DAB2IP: variants seen among roughly 807,000 people sequenced by gnomAD.
The protein encoded by DAB2IP is DAB2 interacting protein.
DAB2IP carries 28 observed loss-of-function variants against 107.2 expected under a neutral mutation model. The observed-to-expected ratio is 0.26, with a 90% CI of 0.19 to 0.36. The LOEUF (loss-of-function observed/expected upper bound fraction) is 0.36, where lower values mean the gene tolerates loss of function less well. Among genes scored for constraint, DAB2IP ranks in the 10% least tolerant of loss-of-function variants. DAB2IP has a pLI of 1.00. For synonymous variants in DAB2IP, 755 were observed against 706.4 expected, an observed-to-expected ratio of 1.07 and a Z score of -1.09; for missense variants, 1,400 against 1,644.7, an observed-to-expected ratio of 0.85 and a Z score of 2.57.
In DAB2IP at chr9:121,653,880, G is replaced by A. The variant is rs116750364; in HGVS notation, c.124+1981G>A. 3.1e-3 allele frequency among the ~76,000 whole-genome samples: 473 copies of A among 152,346 alleles called. 4 individuals carry two copies. Among genetic ancestry groups the A allele is most frequent in the African/African-American group, 9.9e-3 (410 of 41,576 alleles). On this transcript the variant is annotated intron_variant, in intron 1 of 15. Transcript: ENST00000408936. Reference sequence around the variant, plus strand: ...AGGAGCTCACGGCCTGCAGAGCGGGGAGGAGACTGTCTCTGAACAGAAGTT... The same window carrying A: ...AGGAGCTCACGGCCTGCAGAGCGGGAAGGAGACTGTCTCTGAACAGAAGTT...
chr9:121,688,015 C>T (rs149016646), intron 2 of DAB2IP, among the ~76,000 whole-genome samples: 40 of 152,020 alleles, frequency 2.6e-4, no homozygotes, highest in African/African-American at 9.4e-4. Flanking sequence ...TTGTCCTGCC[C>T]CTACTTTGAG....
At chr9:121,709,630 G>A (rs534424454) in intron 3 of DAB2IP, among the ~76,000 whole-genome samples, 2 of 152,104 alleles carry the variant, frequency 1.3e-5, no homozygotes, top group Admixed American at 1.3e-4. Flanking sequence ...GTCAAGCACC[G>A]TTCTACATAG....
chr9:121,696,866 A>G (rs1829456246), intron 2 of DAB2IP, among the ~76,000 whole-genome samples: 1 of 152,166 alleles, frequency 6.6e-6, no homozygotes, highest in Admixed American at 6.5e-5. Context: ...GTCAACGGGA[A>G]CACTCTCTGT....
In DAB2IP at chr9:121,603,612, T is replaced by C. The variant is rs73661794; in HGVS notation, c.40+36384T>C. Reference sequence around the variant, plus strand: ...TCTTGTTCATGCCTCACTATTTTTCTGCCCTATCTGGTTGTGGCTTTGGTG... The same window carrying C: ...TCTTGTTCATGCCTCACTATTTTTCCGCCCTATCTGGTTGTGGCTTTGGTG... On this transcript the variant is annotated intron_variant, in intron 1 of 16. Coordinates refer to the DAB2IP transcript ENST00000259371. Among the ~76,000 whole-genome samples, 517 of 152,268 alleles carry C rather than the reference T, an allele frequency of 3.4e-3. 1 individual carries two copies. The highest frequency in any genetic ancestry group is 0.012 in the African/African-American group (496 of 41,548).
At chr9:121,617,341 A>G (rs1299469773) in intron 1 of DAB2IP, among the ~76,000 whole-genome samples, 2 of 152,028 alleles carry the variant, frequency 1.3e-5, no homozygotes, top group African/African-American at 4.8e-5. Context: ...AAACAAAACA[A>G]AAGGGTGAGG....
chr9:121,707,868 C>G (rs368396371), intron 3 of DAB2IP, among the ~76,000 whole-genome samples: 10 of 152,328 alleles, frequency 6.6e-5, no homozygotes, highest in African/African-American at 2.4e-4. Flanking sequence ...AGCCCCACCC[C>G]CTCTGCTTCT....
intron 1 of DAB2IP, among the ~76,000 whole-genome samples, chr9:121,616,706 C>G (rs74546577): frequency 0.017 from 2,532 of 152,330 alleles, 85 homozygotes; most frequent in African/African-American, 0.057. Context: ...GGCTTGATCA[C>G]TCTTCGCCAC....
intron 1 of DAB2IP, among the ~76,000 whole-genome samples, chr9:121,594,289 G>A (rs1830482252): frequency 6.6e-6 from 1 of 151,156 alleles, no homozygotes; most frequent in African/African-American, 2.4e-5. Flanking sequence ...GAGGCTGGAG[G>A]GCAAATGGTG....
Position 121,701,151 on chromosome 9 carries a change from G to A in DAB2IP, c.362+1693G>A, listed in dbSNP as rs759405664. ...TTTTGTGTGCATGTGGTGGTTGTCC[G>A]GGGAGCAGGAGAGACAACAGGCAGT... On this transcript the variant is annotated intron_variant, in intron 3 of 15. Coordinates refer to ENST00000408936, the Ensembl canonical transcript of DAB2IP. This position sits in a 1 kb window ranked among gnomAD's most constrained non-coding sequence, Gnocchi z 4.7. Among the ~76,000 whole-genome samples, 7 of 152,200 alleles carry A rather than the reference G, an allele frequency of 4.6e-5. No individual in the cohort carries two copies. Among genetic ancestry groups the A allele is most frequent in the Admixed American group, 4.6e-4 (7 of 15,284 alleles).
chr9:121,640,782 T>C (rs960433101), intron 1 of DAB2IP, among the ~76,000 whole-genome samples: 1 of 152,194 alleles, frequency 6.6e-6, no homozygotes, highest in Non-Finnish European at 1.5e-5. Context: ...GTCCTGAGCC[T>C]CTGGACCTCT....
chr9:121,731,420 T>C (rs924379574), intron 3 of DAB2IP, among the ~76,000 whole-genome samples: 16 of 152,120 alleles, frequency 1.1e-4, no homozygotes, highest in Non-Finnish European at 1.8e-4. Flanking sequence ...TAGAGAAACA[T>C]TGGGAGGAAA....
intron 3 of DAB2IP, among the ~76,000 whole-genome samples, chr9:121,729,759 T>G (rs1372136044): frequency 6.6e-6 from 1 of 152,264 alleles, no homozygotes; most frequent in Non-Finnish European, 1.5e-5. Context: ...TTTGTTTGTT[T>G]GTTTAAAATC....
At chr9:121,739,142 G>A (rs1832139036) in intron 3 of DAB2IP, among the ~76,000 whole-genome samples, 1 of 152,260 alleles carries the variant, frequency 6.6e-6, no homozygotes, top group Admixed American at 6.5e-5. Context: ...AATGGGGGCA[G>A]GGCAGGACCT....
Position 121,772,869 on chromosome 9 carries a change from C to A in DAB2IP, c.2341C>A (p.Leu781Met). ...AGATGGGCAGGCCGCTGCAGCTCAG[C>A]TGGTGGCCGGGTGGCCGGCCCGGGC... is the stretch of plus-strand genomic sequence containing the variant. Residue 781 changes from leucine (L) to methionine (M), a missense_variant, in exon 12 of 16, where the codon CTG becomes ATG. Leu to Met is a conservative substitution (Grantham distance 15). This residue lies in a region of DAB2IP where 600 missense variants were observed against 659.1 expected (regional missense o/e 0.91). Coordinates refer to ENST00000408936, the Ensembl canonical transcript of DAB2IP. The surrounding 1 kb of genome is among the most constrained non-coding windows in gnomAD (Gnocchi z 4.7). The A allele has an allele frequency of 6.3e-7, 1 of 1,588,106 alleles. No homozygotes were observed. Among genetic ancestry groups the A allele is most frequent in the South Asian group, 1.1e-5 (1 of 88,990 alleles).
At chr9:121,723,699 TAC>T (rs1334603533) in intron 3 of DAB2IP, among the ~76,000 whole-genome samples, 2 of 152,262 alleles carry the variant, frequency 1.3e-5, no homozygotes, top group East Asian at 3.9e-4. Flanking sequence ...TCATTTAGAG[TAC>T]AGTGTTTTCC....
chr9:121,567,789 G>T (rs1477410710), intron 1 of DAB2IP, among the ~76,000 whole-genome samples: 1 of 152,210 alleles, frequency 6.6e-6, no homozygotes, highest in Non-Finnish European at 1.5e-5. Context: ...CCCATGCAGA[G>T]TCTGGAAGAG....
At chr9:121,569,688 G>A (rs1405116609) in intron 1 of DAB2IP, among the ~76,000 whole-genome samples, 3 of 152,214 alleles carry the variant, frequency 2.0e-5, no homozygotes, top group Non-Finnish European at 2.9e-5. Context: ...AGGCATGGTG[G>A]TGCATGCCTT....
upstream of DAB2IP, among the ~76,000 whole-genome samples, chr9:121,647,925 A>G (rs1169577702): frequency 1.3e-5 from 2 of 151,704 alleles, no homozygotes; most frequent in African/African-American, 4.8e-5. Context: ...CCGCCATACA[A>G]AGGAATGAAT....
intron 2 of DAB2IP, among the ~76,000 whole-genome samples, chr9:121,687,602 C>T (rs959011574): frequency 1.3e-5 from 2 of 152,216 alleles, no homozygotes; most frequent in Non-Finnish European, 2.9e-5. Context: ...CCAGCTCTAC[C>T]ACCTCTGCTG....
Sources: allele counts gnomAD v4.1 joint callset (sites outside exome capture counted in the v4.1 genomes callset), GRCh38; gene constraint gnomAD v4.1.1; regional missense constraint gnomAD v4.1.1; non-coding constraint Gnocchi (gnomAD v3.1); transcripts MANE v1.5; gene names NCBI Gene and HGNC (gene_info 2026-07-23, HGNC 2026-07-21).